The following SPOCK1 variants were observed in gnomAD, a reference collection of about 807,000 sequenced individuals.
The protein encoded by SPOCK1 is SPARC (osteonectin), cwcv and kazal like domains proteoglycan 1.
In SPOCK1, 23 loss-of-function variants were observed where a neutral mutation model predicts 55.3. The observed-to-expected ratio is 0.42, with a 90% CI of 0.30 to 0.59. The LOEUF (loss-of-function observed/expected upper bound fraction) is 0.59. SPOCK1 is among the 20% of genes least tolerant of loss of function. The pLI, the probability that SPOCK1 is intolerant of heterozygous loss-of-function variation, is 0.22. For missense variants in SPOCK1, 499 were observed against 552.5 expected (o/e 0.90, Z 0.97); for synonymous variants, 226 against 221.0 (o/e 1.02, Z -0.20).
At chr5:137,002,961 G>A (rs1751178592) in intron 6 of SPOCK1, among the ~76,000 whole-genome samples, 1 of 152,218 alleles carries the variant, frequency 6.6e-6, no homozygotes, top group African/African-American at 2.4e-5. Flanking sequence ...GAGGAGGCAA[G>A]AATTGAACTG....
intron 3 of SPOCK1, among the ~76,000 whole-genome samples, chr5:137,181,232 G>A (rs937988093): frequency 6.6e-6 from 1 of 152,200 alleles, no homozygotes; most frequent in Non-Finnish European, 1.5e-5. Context: ...AACAGAGGCA[G>A]GAGAGGAAGG....
chr5:137,489,858 C>T (rs949185438), intron 2 of SPOCK1, among the ~76,000 whole-genome samples: 11 of 152,238 alleles, frequency 7.2e-5, no homozygotes, highest in Non-Finnish European at 1.6e-4. Flanking sequence ...CTGCAGTCCT[C>T]CTGCAGGGCT....
intron 8 of SPOCK1, among the ~76,000 whole-genome samples, chr5:136,986,817 G>C (rs894559763): frequency 6.6e-6 from 1 of 152,076 alleles, no homozygotes; most frequent in African/African-American, 2.4e-5. Context: ...AAAACAAAAT[G>C]ATTCCATATT....
chr5:137,320,538 CTT>C (rs1431983469), intron 2 of SPOCK1, among the ~76,000 whole-genome samples: 11 of 152,198 alleles, frequency 7.2e-5, no homozygotes, highest in African/African-American at 2.7e-4. Context: ...ACTTAGAAAA[CTT>C]TGGATACCTG....
At chr5:137,453,727 A>C (rs1403908495) in intron 2 of SPOCK1, among the ~76,000 whole-genome samples, 1 of 152,186 alleles carries the variant, frequency 6.6e-6, no homozygotes, top group Non-Finnish European at 1.5e-5. Context: ...ACTGCCCCAT[A>C]GGTATCTATG....
intron 2 of SPOCK1, among the ~76,000 whole-genome samples, chr5:137,293,746 G>A (rs563131634): frequency 6.6e-6 from 1 of 152,384 alleles, no homozygotes; most frequent in Non-Finnish European, 1.5e-5. Context: ...ACCGGGCGTG[G>A]TGGCTCACGC....
chr5:137,134,551 G>A (rs1269015486), intron 4 of SPOCK1, among the ~76,000 whole-genome samples: 1 of 152,176 alleles, frequency 6.6e-6, no homozygotes, highest in Non-Finnish European at 1.5e-5. Flanking sequence ...TGGAGAAGGG[G>A]CATAAGCTAC....
At chr5:137,438,247 C>T (rs1418765777) in intron 2 of SPOCK1, among the ~76,000 whole-genome samples, 1 of 151,926 alleles carries the variant, frequency 6.6e-6, no homozygotes, top group African/African-American at 2.4e-5. Context: ...TGATGGCGGT[C>T]TGCCCTCAAG....
At chr5:137,470,320 G>A (rs1346415965) in intron 2 of SPOCK1, among the ~76,000 whole-genome samples, 1 of 152,192 alleles carries the variant, frequency 6.6e-6, no homozygotes, top group African/African-American at 2.4e-5. Context: ...AAAGAGAAAT[G>A]CAAGGTATTT....
intron 6 of SPOCK1, among the ~76,000 whole-genome samples, chr5:137,051,282 C>T (rs527717317): frequency 1.3e-5 from 2 of 152,226 alleles, no homozygotes; most frequent in African/African-American, 4.8e-5. Flanking sequence ...AATGGGTCCT[C>T]AAAAAATCTT....
intron 3 of SPOCK1, among the ~76,000 whole-genome samples, chr5:137,142,468 C>T (rs1050890317): frequency 6.6e-6 from 1 of 152,228 alleles, no homozygotes; most frequent in African/African-American, 2.4e-5. Flanking sequence ...CAGCTGTAAA[C>T]AGAAGCCAGG....
At chr5:137,179,241 C>A (rs1162383847) in intron 3 of SPOCK1, among the ~76,000 whole-genome samples, 3 of 152,120 alleles carry the variant, frequency 2.0e-5, no homozygotes, top group African/African-American at 7.2e-5. Context: ...TGAAAAACAA[C>A]AAAATATCTG....
At chr5:137,479,823 C>G (rs546157116) in intron 2 of SPOCK1, among the ~76,000 whole-genome samples, 2 of 152,306 alleles carry the variant, frequency 1.3e-5, no homozygotes, top group South Asian at 4.2e-4. Context: ...ATAATTTAAC[C>G]CGTCCTAACT....
intron 4 of SPOCK1, among the ~76,000 whole-genome samples, chr5:137,137,929 A>C (rs1037992135): frequency 8.5e-5 from 13 of 152,160 alleles, no homozygotes; most frequent in African/African-American, 2.9e-4. Context: ...ACAATAGACT[A>C]TGTACTTTAC....
chr5:137,366,231 C>G (rs564044843), intron 2 of SPOCK1, among the ~76,000 whole-genome samples: 3 of 152,252 alleles, frequency 2.0e-5, no homozygotes, highest in Admixed American at 2.0e-4. Context: ...TATTAAGATC[C>G]AGGATGTCAC....
intron 3 of SPOCK1, among the ~76,000 whole-genome samples, chr5:137,210,516 C>T (rs1755591177): frequency 6.6e-6 from 1 of 152,122 alleles, no homozygotes; most frequent in African/African-American, 2.4e-5. Context: ...ATTTAAAAGC[C>T]TCCTACCAAT....
At chr5:137,224,598 A>C (rs186869498) in intron 3 of SPOCK1, among the ~76,000 whole-genome samples, 1 of 152,354 alleles carries the variant, frequency 6.6e-6, no homozygotes, top group Admixed American at 6.5e-5. Flanking sequence ...GATCAACCTG[A>C]AAGTAGCAAG....
chr5:137,030,694 G>A (rs1751762505), intron 6 of SPOCK1, among the ~76,000 whole-genome samples: 1 of 152,072 alleles, frequency 6.6e-6, no homozygotes, highest in African/African-American at 2.4e-5. Context: ...TAGCATGGAT[G>A]GATTAAAACA....
chr5:137,156,577 C>A (rs1331283620), intron 3 of SPOCK1, among the ~76,000 whole-genome samples: 1 of 152,154 alleles, frequency 6.6e-6, no homozygotes, highest in East Asian at 1.9e-4. Flanking sequence ...GCACCTACTA[C>A]TACATCATTT....
Sources: allele counts gnomAD v4.1 joint callset (sites outside exome capture counted in the v4.1 genomes callset), GRCh38; gene constraint gnomAD v4.1.1; transcripts MANE v1.5; gene names NCBI Gene and HGNC (gene_info 2026-07-23, HGNC 2026-07-21).